MEI4: variants seen among roughly 807,000 people sequenced by gnomAD.
MEI4 encodes meiotic double-stranded break formation protein 4.
A neutral mutation model predicts 31.4 loss-of-function variants in MEI4; 27 were observed. The ratio of observed to expected loss-of-function variants is 0.86; its 90% confidence interval spans 0.63 to 1.19. MEI4 has a LOEUF of 1.19. Ranked by LOEUF, MEI4 falls within the 50% of genes most tolerant of loss-of-function variation. The pLI, the probability that MEI4 is intolerant of heterozygous loss-of-function variation, is 0.00. For missense variants in MEI4, 329 were observed against 398.9 expected (o/e 0.82, Z 1.49); for synonymous variants, 122 against 145.4 (o/e 0.84, Z 1.16).
chr6:77,864,672 T>G (rs887615328), intron 4 of MEI4, among the ~76,000 whole-genome samples: 3 of 152,082 alleles, frequency 2.0e-5, no homozygotes, highest in Non-Finnish European at 4.4e-5. Context: ...GACAGATCAA[T>G]GAGACAGAAA....
chr6:77,716,488 A>G (rs534291219), intron 2 of MEI4, among the ~76,000 whole-genome samples: 1 of 152,266 alleles, frequency 6.6e-6, no homozygotes, highest in Admixed American at 6.5e-5. Flanking sequence ...AAGATTTGCA[A>G]TTGAAAAGAC....
At chr6:77,901,789 G>T (rs1321243329) in intron 4 of MEI4, among the ~76,000 whole-genome samples, 5 of 151,962 alleles carry the variant, frequency 3.3e-5, no homozygotes, top group Admixed American at 1.3e-4. Flanking sequence ...TAATTGCCAA[G>T]ACCAATGTCA....
chr6:77,734,702 G>A (rs1036762687), intron 2 of MEI4, among the ~76,000 whole-genome samples: 17 of 151,484 alleles, frequency 1.1e-4, no homozygotes, highest in African/African-American at 2.9e-4. Context: ...TATTTTGCTC[G>A]TTAGTTGATG....
chr6:77,835,975 ATATAAATACAAAACAAAT>A (rs1562006860), intron 4 of MEI4, among the ~76,000 whole-genome samples: 3 of 152,268 alleles, frequency 2.0e-5, no homozygotes, highest in African/African-American at 4.8e-5. Flanking sequence ...TTTTTACAAA[ATATAAATACAAAACAAAT>A]TATAAATACA....
At chr6:77,708,445 C>T (rs1766379627) in intron 2 of MEI4, among the ~76,000 whole-genome samples, 1 of 152,180 alleles carries the variant, frequency 6.6e-6, no homozygotes, top group Non-Finnish European at 1.5e-5. Context: ...TCTTGAGTCT[C>T]AGATGAGACT....
intron 4 of MEI4, among the ~76,000 whole-genome samples, chr6:77,873,793 G>A (rs375833029): frequency 0.28 from 43,127 of 151,884 alleles, 6,763 homozygotes; most frequent in South Asian, 0.38. Context: ...AAGGTGTAAG[G>A]AAGGGATCCA....
At chr6:77,916,253 A>T (rs985858794) in intron 4 of MEI4, among the ~76,000 whole-genome samples, 1 of 151,972 alleles carries the variant, frequency 6.6e-6, no homozygotes. Context: ...CCAGGATTTC[A>T]TAAATTTATT....
At chr6:77,687,138 A>C (rs1318876801) in intron 1 of MEI4, among the ~76,000 whole-genome samples, 1 of 152,026 alleles carries the variant, frequency 6.6e-6, no homozygotes, top group East Asian at 1.9e-4. Context: ...TCACAGCCCC[A>C]TGGGGAATGT....
At chr6:77,698,334 C>G (rs926542140) in intron 2 of MEI4, among the ~76,000 whole-genome samples, 1 of 152,108 alleles carries the variant, frequency 6.6e-6, no homozygotes, top group Non-Finnish European at 1.5e-5. Context: ...TTATTTTGCT[C>G]GTTAGTTGAT....
At chr6:77,918,919 A>T (rs1005782018) in intron 4 of MEI4, among the ~76,000 whole-genome samples, 7 of 151,922 alleles carry the variant, frequency 4.6e-5, no homozygotes, top group African/African-American at 1.7e-4. Flanking sequence ...CATAGATAGC[A>T]CTTATTATTT....
intron 4 of MEI4, among the ~76,000 whole-genome samples, chr6:77,896,723 G>T (rs1766091677): frequency 6.6e-6 from 1 of 151,868 alleles, no homozygotes; most frequent in Non-Finnish European, 1.5e-5. Context: ...TATGCAAAAA[G>T]GAATTATCTT....
chr6:77,744,311 A>G (rs1582091760), intron 2 of MEI4, among the ~76,000 whole-genome samples: 1 of 152,188 alleles, frequency 6.6e-6, no homozygotes, highest in African/African-American at 2.4e-5. Flanking sequence ...CTCGAGAACT[A>G]CGTGAAGAAT....
chr6:77,779,178 A>G (rs923159633), intron 3 of MEI4, among the ~76,000 whole-genome samples: 1 of 152,202 alleles, frequency 6.6e-6, no homozygotes, highest in African/African-American at 2.4e-5. Flanking sequence ...AGAAGCCTGC[A>G]AAGAAGTTAA....
At chr6:77,801,332 G>T (rs973214790) in intron 3 of MEI4, among the ~76,000 whole-genome samples, 2 of 152,056 alleles carry the variant, frequency 1.3e-5, no homozygotes, top group Admixed American at 6.5e-5. Context: ...TGGGATTGGT[G>T]GTGATATCCC....
At chr6:77,697,694 G>T (rs75149483) in intron 2 of MEI4, among the ~76,000 whole-genome samples, 1 of 152,120 alleles carries the variant, frequency 6.6e-6, no homozygotes, top group African/African-American at 2.4e-5. Flanking sequence ...CAACTATGTG[G>T]TCAATTTTGG....
In MEI4 at chr6:77,926,915, G is replaced by T. The variant is rs922013990; in HGVS notation, c.*3569G>T. On this transcript the variant is annotated 3_prime_UTR_variant, in exon 5 of 5. Coordinates refer to ENST00000684080, the MANE Select transcript of MEI4 (RefSeq NM_001322247.2). ...TTATTGTTAAAAGTTAATTGATTCC[G>T]AATTATTTATAGAATTGTATAATAC... 6.6e-6 allele frequency: 1 copy of T among 151,650 alleles called. No individual in the cohort carries two copies. Among genetic ancestry groups the T allele is most frequent in the African/African-American group, 2.4e-5 (1 of 41,340 alleles). The allele number at this position is 151,650 out of a possible 1,614,324, so 9.4% of individuals were successfully genotyped here.
At position 77,900,716 on chromosome 6, in the gene MEI4, A is replaced by G. The variant is rs373513047; in HGVS notation, c.901-22373A>G. ...ATTTATTTTATATATACATACTTAC[A>G]TTTTTGTGATAAGAACACTTAAAAT... is the stretch of plus-strand genomic sequence containing the variant. On this transcript the variant is annotated intron_variant, in intron 4 of 4. Transcript: ENST00000684080. 1.4e-4 allele frequency among the ~76,000 whole-genome samples: 21 copies of G among 152,086 alleles called. No individual in the cohort carries two copies. The East Asian group carries it at 2.3e-3, about 17-fold the overall frequency.
chr6:77,733,205 C>T (rs1014223662), intron 2 of MEI4, among the ~76,000 whole-genome samples: 2 of 151,824 alleles, frequency 1.3e-5, no homozygotes, highest in Admixed American at 6.6e-5. Context: ...AGGAATGGTA[C>T]CAGCTCCTCC....
At chr6:77,807,205 G>A (rs1769463000) in intron 3 of MEI4, among the ~76,000 whole-genome samples, 1 of 151,092 alleles carries the variant, frequency 6.6e-6, no homozygotes, top group Non-Finnish European at 1.5e-5. Flanking sequence ...AAATTTATTA[G>A]GAAGTACTTC....
Sources: allele counts gnomAD v4.1 joint callset (sites outside exome capture counted in the v4.1 genomes callset), GRCh38; gene constraint gnomAD v4.1.1; transcripts MANE v1.5; gene names NCBI Gene and HGNC (gene_info 2026-07-23, HGNC 2026-07-21).